The following ZC3H12C variants were observed in gnomAD, a reference collection of about 807,000 sequenced individuals.
ZC3H12C encodes the protein probable ribonuclease ZC3H12C.
ZC3H12C carries 20 observed loss-of-function variants against 76.3 expected under a neutral mutation model. The ratio of observed to expected loss-of-function variants is 0.26; its 90% CI spans 0.18 to 0.38. The LOEUF (loss-of-function observed/expected upper bound fraction) is 0.38, where lower values mean the gene tolerates loss of function less well. Among genes scored for constraint, ZC3H12C ranks in the 10% least tolerant of loss-of-function variants. ZC3H12C has a pLI of 1.00. For missense variants in ZC3H12C, 874 were observed against 1,086.5 expected (o/e 0.80, Z 2.75); for synonymous variants, 352 against 399.6 (o/e 0.88, Z 1.42).
Position 110,164,542 on chromosome 11 carries a change from C to T in ZC3H12C, c.1457C>T (p.Ala486Val). The change falls in exon 6 of 6, where the codon GCT (alanine) becomes GTT (valine). Residue 486 changes from alanine to valine, a missense_variant. By Grantham distance (64) the Ala-to-Val change is moderately conservative (BLOSUM62 0). This residue lies in a region of ZC3H12C where 269 missense variants were observed against 424.9 expected (regional missense o/e 0.63). Transcript: ENST00000278590. This position sits in a 1 kb window ranked among gnomAD's most constrained non-coding sequence, Gnocchi z 5.7. Reference protein sequence around the residue: ...ADSTSDVKRGAPKRQSDPSIR... With the variant: ...ADSTSDVKRGVPKRQSDPSIR... ...AGCACTTCTGATGTCAAACGAGGTG[C>T]TCCAAAGAGGCAATCAGATCCAAGC... 1 of 1,613,980 alleles carries T rather than the reference C, an allele frequency of 6.2e-7. No individual in the cohort carries two copies. The highest frequency in any genetic ancestry group is 8.5e-7 in the Non-Finnish European group (1 of 1,179,892).
At chr11:110,126,497 G>A (rs1226599220) in intron 1 of ZC3H12C, among the ~76,000 whole-genome samples, 1 of 152,214 alleles carries the variant, frequency 6.6e-6, no homozygotes, top group Non-Finnish European at 1.5e-5. Flanking sequence ...TGGGATTATA[G>A]GTGTGAGCCA....
At chr11:110,131,060 T>G (rs1380389954) in intron 1 of ZC3H12C, 1 of 1,535,934 alleles carries the variant, frequency 6.5e-7, no homozygotes, top group East Asian at 2.4e-5. Flanking sequence ...AGGAGTTTAC[T>G]GCTGAAGCTG....
intron 1 of ZC3H12C, among the ~76,000 whole-genome samples, chr11:110,108,725 T>C (rs1861376368): frequency 6.6e-6 from 1 of 152,252 alleles, no homozygotes; most frequent in Admixed American, 6.5e-5. Context: ...TGTACACTGC[T>C]GTCTTGTGGA....
intron 1 of ZC3H12C, among the ~76,000 whole-genome samples, chr11:110,113,552 T>A (rs1861472509): frequency 6.6e-6 from 1 of 152,238 alleles, no homozygotes; most frequent in African/African-American, 2.4e-5. Context: ...TTTTATGTAT[T>A]GAAAAGCCTT....
rs755501364 is a variant in ZC3H12C at position 110,165,394 on chromosome 11, G to C, written c.2309G>C (p.Arg770Pro). 1.2e-6 allele frequency: 2 copies of C among 1,613,916 alleles called. No homozygotes were observed. Among genetic ancestry groups the C allele is most frequent in the Non-Finnish European group, 1.7e-6 (2 of 1,179,878 alleles). ...SPSRQRKPYSRQEGLGSWERP... is the reference protein window; with the variant it reads ...SPSRQRKPYSPQEGLGSWERP... ...TCACGACAAAGAAAGCCTTATTCCC[G>C]CCAGGAAGGCCTGGGAAGCTGGGAG... Residue 770 changes from arginine (R) to proline (P), a missense_variant, in exon 6 of 6, where the codon CGC (arginine) becomes CCC (proline). Arg to Pro is a moderately radical substitution (Grantham distance 103). Around this residue, in one of 3 missense-constraint regions of ZC3H12C, gnomAD observed 395 missense variants for 434.4 expected, o/e 0.91. Coordinates refer to ENST00000278590, the MANE Select transcript of ZC3H12C (RefSeq NM_033390.2).
intron 3 of ZC3H12C, among the ~76,000 whole-genome samples, chr11:110,153,668 C>A (rs1464145425): frequency 6.6e-6 from 1 of 152,100 alleles, no homozygotes; most frequent in African/African-American, 2.4e-5. Flanking sequence ...CTTTGCCCTT[C>A]ACTAGCTATG....
At chr11:110,126,687 A>T (rs939659314) in intron 1 of ZC3H12C, among the ~76,000 whole-genome samples, 1 of 152,216 alleles carries the variant, frequency 6.6e-6, no homozygotes, top group Non-Finnish European at 1.5e-5. Context: ...TGGAGGAAGT[A>T]TGAGCAGAAA....
intron 2 of ZC3H12C, 132 bp downstream of exon 2, chr11:110,137,546 A>G: frequency 8.8e-7 from 1 of 1,134,978 alleles, no homozygotes; most frequent in Non-Finnish European, 1.2e-6. Flanking sequence ...TTAACATTAG[A>G]AAACATTAGT....
intron 1 of ZC3H12C, among the ~76,000 whole-genome samples, chr11:110,094,289 A>G (rs922016919): frequency 6.6e-6 from 1 of 152,236 alleles, no homozygotes; most frequent in African/African-American, 2.4e-5. Context: ...TTGGTTGACA[A>G]GACTGTATTG....
chr11:110,102,846 C>T (rs1861243360), intron 1 of ZC3H12C, among the ~76,000 whole-genome samples: 1 of 152,188 alleles, frequency 6.6e-6, no homozygotes, highest in Non-Finnish European at 1.5e-5. Context: ...CAAGACCTTT[C>T]ACCAGCAAAA....
intron 1 of ZC3H12C, among the ~76,000 whole-genome samples, chr11:110,120,199 T>G (rs1342427235): frequency 6.6e-6 from 1 of 152,226 alleles, no homozygotes; most frequent in Non-Finnish European, 1.5e-5. Flanking sequence ...GGAAATGGTC[T>G]CTGGTCACAA....
At chr11:110,159,192 A>C in intron 3 of ZC3H12C, 64 bp from the exon 4 acceptor site, 1 of 1,259,502 alleles carries the variant, frequency 7.9e-7, no homozygotes, top group East Asian at 2.5e-5. Context: ...ACATTGTATG[A>C]AAGTTGCCAT....
chr11:110,110,831 C>T (rs1485041254), intron 1 of ZC3H12C, among the ~76,000 whole-genome samples: 1 of 152,072 alleles, frequency 6.6e-6, no homozygotes, highest in African/African-American at 2.4e-5. Flanking sequence ...TTGGATTCTA[C>T]AAATTAGAAA....
At chr11:110,139,536 TATGGA>T (rs989710520) in intron 2 of ZC3H12C, among the ~76,000 whole-genome samples, 31 of 152,254 alleles carry the variant, frequency 2.0e-4, no homozygotes, top group African/African-American at 7.0e-4. Context: ...GTCATAGAGG[TATGGA>T]ATGCTCATAG....
rs1230757978 is a variant in ZC3H12C at position 110,170,640 on chromosome 11, A to AATG, written c.*4906_*4908dup. The AATG allele has an allele frequency of 1.3e-5, 2 of 152,184 alleles. No homozygotes were observed. Among genetic ancestry groups the AATG allele is most frequent in the Non-Finnish European group, 2.9e-5 (2 of 68,024 alleles). The allele number at this position is 152,184 out of a possible 1,614,324, so 9.4% of individuals were successfully genotyped here. A position where few individuals can be genotyped will look rare whatever the true frequency, so the allele number is the denominator to read the frequency against. On this transcript the variant is annotated 3_prime_UTR_variant, in exon 6 of 6. Transcript: ENST00000278590. ...AGATGCCTTGGGACTGTCCTTGGTG[A>AATG]ATGATATTCTTCATATGATCATATG...
At chr11:110,109,220 T>C (rs10789752) in intron 1 of ZC3H12C, among the ~76,000 whole-genome samples, 107,315 of 152,054 alleles carry the variant, frequency 0.71, 38,155 homozygotes, top group East Asian at 0.89. Flanking sequence ...TTAGATGCTT[T>C]GAGTTTTGTT....
intron 1 of ZC3H12C, among the ~76,000 whole-genome samples, chr11:110,120,387 C>T (rs886963322): frequency 6.6e-6 from 1 of 152,268 alleles, no homozygotes; most frequent in East Asian, 1.9e-4. Context: ...CACATCACAG[C>T]CTTCTTGCAC....
At chr11:110,162,361 A>G (rs951736488) in intron 4 of ZC3H12C, among the ~76,000 whole-genome samples, 3 of 152,226 alleles carry the variant, frequency 2.0e-5, no homozygotes, top group Non-Finnish European at 4.4e-5. Context: ...TAGTGTTACC[A>G]TATTGTTTTG....
At chr11:110,135,805 C>T (rs1861948158) in intron 1 of ZC3H12C, 2 of 151,604 alleles carry the variant, frequency 1.3e-5, no homozygotes, top group Admixed American at 6.6e-5. Context: ...TCTAATATGC[C>T]TAATTGTTTG....
Sources: allele counts gnomAD v4.1 joint callset (sites outside exome capture counted in the v4.1 genomes callset), GRCh38; gene constraint gnomAD v4.1.1; regional missense constraint gnomAD v4.1.1; non-coding constraint Gnocchi (gnomAD v3.1); transcripts MANE v1.5; gene names NCBI Gene and HGNC (gene_info 2026-07-23, HGNC 2026-07-21).